The following MCM4 variants were observed in gnomAD, a reference collection of about 807,000 sequenced individuals.
MCM4 encodes DNA replication licensing factor MCM4.
In MCM4, 60 loss-of-function variants were observed where a neutral mutation model predicts 88.7. The observed-to-expected ratio is 0.68, with a 90% CI of 0.55 to 0.84. The LOEUF is 0.84. Ranked by LOEUF, MCM4 falls within the 40% of genes least tolerant of loss-of-function variation. The probability of loss-of-function intolerance (pLI) is 0.00; values close to 1 mark genes in which losing one functional copy is unlikely to be tolerated. For missense variants in MCM4, 1,149 were observed against 1,105.5 expected, an observed-to-expected ratio of 1.04 and a Z score of -0.56; for synonymous variants, 465 against 410.5, an observed-to-expected ratio of 1.13 and a Z score of -1.61.
intron 13 of MCM4, among the ~76,000 whole-genome samples, chr8:47,971,711 A>G (rs2090954943): frequency 6.6e-6 from 1 of 152,190 alleles, no homozygotes. Flanking sequence ...TCTTAGTCCT[A>G]AAGCCACTGC....
intron 8 of MCM4, among the ~76,000 whole-genome samples, chr8:47,965,591 A>G (rs147581897): frequency 9.3e-4 from 141 of 152,344 alleles, no homozygotes; most frequent in African/African-American, 3.3e-3. Flanking sequence ...AGGGGAAATT[A>G]GTTGCGGGCA....
chr8:47,963,360 G>A (rs192635724), intron 7 of MCM4, among the ~76,000 whole-genome samples: 7 of 152,164 alleles, frequency 4.6e-5, no homozygotes, highest in East Asian at 1.9e-4. Context: ...AGTCTGAAGC[G>A]ATAGAATCAC....
chr8:47,962,728 G>A, intron 5 of MCM4, 36 bp from the exon 6 acceptor site: 1 of 1,256,706 alleles, frequency 8.0e-7, no homozygotes, highest in Admixed American at 2.1e-5. Context: ...GTTCCCAAAT[G>A]CTATATGCCT....
chr8:47,964,906 A>G (rs1045112318), intron 8 of MCM4, among the ~76,000 whole-genome samples, 194 bp downstream of exon 8: 17 of 152,322 alleles, frequency 1.1e-4, no homozygotes, highest in South Asian at 4.1e-4. Flanking sequence ...ATTTAATTGA[A>G]GTTTCTGATA....
chr8:47,962,521 C>A, intron 5 of MCM4, 115 bp downstream of exon 5: 1 of 1,052,150 alleles, frequency 9.5e-7, no homozygotes, highest in Non-Finnish European at 1.4e-6. Context: ...TGGTGGCTCA[C>A]ACCTATAATC....
Position 47,970,763 on chromosome 8 carries a change from C to T in MCM4, c.1687C>T (p.Leu563Phe), listed in dbSNP as rs1589832315. The T allele has an allele frequency of 6.2e-7, 1 of 1,614,208 alleles. No individual in the cohort carries two copies. The highest frequency in any genetic ancestry group is 8.5e-7 in the Non-Finnish European group (1 of 1,180,050). Reference sequence around the variant, plus strand: ...GCAGCTGGTCCTGCAGACAGGTGCTCTTGTCCTGAGTGACAACGGCATCTG... The same window carrying T: ...GCAGCTGGTCCTGCAGACAGGTGCTTTTGTCCTGAGTGACAACGGCATCTG... ...TRQLVLQTGA[L>F]VLSDNGICCI... Residue 563 changes from leucine to phenylalanine, a missense_variant, in exon 12 of 17, where the codon CTT (leucine) becomes TTT (phenylalanine). Around this residue, in one of 3 missense-constraint regions of MCM4, gnomAD observed 906 missense variants for 843.0 expected, o/e 1.07. Transcript: ENST00000649973.
intron 16 of MCM4, among the ~76,000 whole-genome samples, chr8:47,976,292 CA>C (rs554025887): frequency 0.088 from 10,083 of 115,212 alleles, 387 homozygotes; most frequent in Middle Eastern, 0.16. Flanking sequence ...AACTCCATCT[CA>C]AAAAAAAAAA....
rs2090944170 is a variant in MCM4, at chr8:47,970,597, G to T, written c.1521G>T (p.Leu507Phe). The change falls in exon 12 of 17, where the codon TTG becomes TTT. Residue 507 changes from leucine (L) to phenylalanine (F), a missense_variant. Leu to Phe is a conservative substitution (Grantham distance 22). This residue lies in a region of MCM4 where 906 missense variants were observed against 843.0 expected (regional missense o/e 1.07). Coordinates refer to ENST00000649973, the MANE Select transcript of MCM4 (RefSeq NM_182746.3). ...RGKFRAEINI[L>F]LCGDPGTSKS... ...AATTTCGGGCTGAGATCAACATCTTGCTGTGTGGCGACCCTGGTACCAGCA... is the reference window on the plus strand; with the variant it reads ...AATTTCGGGCTGAGATCAACATCTTTCTGTGTGGCGACCCTGGTACCAGCA... The T allele has an allele frequency of 2.5e-6, 4 of 1,614,198 alleles. No individual in the cohort carries two copies. The highest frequency in any genetic ancestry group is 3.4e-6 in the Non-Finnish European group (4 of 1,180,036).
In MCM4 at chr8:47,970,731, A is replaced by T; in HGVS notation, c.1655A>T (p.Glu552Val). 6.2e-7 allele frequency: 1 copy of T among 1,614,214 alleles called. No homozygotes were observed. Among genetic ancestry groups the T allele is most frequent in the Non-Finnish European group, 8.5e-7 (1 of 1,180,050 alleles). The part of the protein sequence containing the change: ...GLTAYVMKDP[E>V]TRQLVLQTGA... The stretch of plus-strand genomic sequence containing the variant: ...ACTGCGTACGTAATGAAAGACCCTG[A>T]GACAAGGCAGCTGGTCCTGCAGACA... Residue 552 changes from glutamate to valine, a missense_variant, in exon 12 of 17, where the codon GAG (glutamate) becomes GTG (valine). By Grantham distance (121) the Glu-to-Val change is moderately radical. Coordinates refer to ENST00000649973, the MANE Select transcript of MCM4 (RefSeq NM_182746.3).
intron 14 of MCM4, chr8:47,974,277 G>A (rs2090981164): frequency 6.3e-6 from 1 of 158,718 alleles, no homozygotes; most frequent in Admixed American, 6.0e-5. Context: ...TCATCTGTAT[G>A]TGAAATTGAT....
intron 6 of MCM4, 27 bp from the exon 7 acceptor site, chr8:47,962,917 AT>A (rs2090859738): frequency 2.0e-5 from 31 of 1,573,212 alleles, no homozygotes; most frequent in Non-Finnish European, 2.7e-5. Flanking sequence ...AATTAGCAAA[AT>A]ATAACTTGTT....
At chr8:47,968,747 G>A (rs1373723246) in intron 10 of MCM4, among the ~76,000 whole-genome samples, 7 of 152,196 alleles carry the variant, frequency 4.6e-5, no homozygotes, top group Non-Finnish European at 2.9e-5. Context: ...GTGCCATTGC[G>A]TTGAGATAGC....
At chr8:47,971,068 A>G (rs912828691) in intron 12 of MCM4, among the ~76,000 whole-genome samples, 192 bp downstream of exon 12, 2 of 152,216 alleles carry the variant, frequency 1.3e-5, no homozygotes, top group Non-Finnish European at 2.9e-5. Context: ...TTATTGCTGT[A>G]CTAGCCTTGA....
At chr8:47,976,489 G>A (rs575924425) in intron 16 of MCM4, among the ~76,000 whole-genome samples, 197 bp from the exon 17 acceptor site, 4 of 152,098 alleles carry the variant, frequency 2.6e-5, no homozygotes, top group Non-Finnish European at 4.4e-5. Flanking sequence ...TAGTTACAAC[G>A]TGGACTATAC....
rs190498266 is a variant in MCM4 at position 47,968,509 on chromosome 8, G to T, written c.1174+1024G>T. Among the ~76,000 whole-genome samples, 10 of 152,318 alleles carry T rather than the reference G, an allele frequency of 6.6e-5. No individual in the cohort carries two copies. In the East Asian group the frequency reaches 1.3e-3, roughly 21 times the overall value. ...GTGGAGTTAATGTGATGATACATGT[G>T]TGAGAGTGTTTGGGGCCAAGGGGCT... is the stretch of plus-strand genomic sequence containing the variant. On this transcript the variant is annotated intron_variant, in intron 10 of 16. Coordinates refer to ENST00000649973, the MANE Select transcript of MCM4 (RefSeq NM_182746.3).
intron 9 of MCM4, among the ~76,000 whole-genome samples, chr8:47,966,697 A>G (rs956598307): frequency 2.6e-5 from 4 of 152,188 alleles, no homozygotes; most frequent in African/African-American, 9.6e-5. Context: ...TACTTGGTTA[A>G]ATGTCATTCT....
rs764184995 is a variant in MCM4, at chr8:47,962,176, C to T, written c.359C>T (p.Ser120Phe). Residue 120 changes from serine (S) to phenylalanine (F), a missense_variant, in exon 4 of 17, where the codon TCT (serine) becomes TTT (phenylalanine). Around this residue, in one of 3 missense-constraint regions of MCM4, gnomAD observed 906 missense variants for 843.0 expected, o/e 1.07. Coordinates refer to ENST00000649973, the MANE Select transcript of MCM4 (RefSeq NM_182746.3). The stretch of plus-strand genomic sequence containing the variant: ...GTGAGACAGAGGCCTGACCTGGGCT[C>T]TGCACAGAAGGGCCTGCAAGTGGAT... Reference protein sequence around the residue: ...TPVRQRPDLGSAQKGLQVDLQ... With the variant: ...TPVRQRPDLGFAQKGLQVDLQ... 1.3e-5 allele frequency: 21 copies of T among 1,614,062 alleles called. No homozygotes were observed. The highest frequency in any genetic ancestry group is 1.6e-5 in the Non-Finnish European group (19 of 1,180,046).
At chr8:47,976,062 G>T (rs1039632609) in intron 16 of MCM4, among the ~76,000 whole-genome samples, 1 of 152,118 alleles carries the variant, frequency 6.6e-6, no homozygotes, top group Non-Finnish European at 1.5e-5. Context: ...GGACGCTGAG[G>T]TGGGCAGATC....
In MCM4 at chr8:47,966,368, A is replaced by G. The variant is rs1195210197; in HGVS notation, c.1014A>G (p.Ala338=). ...CGRCHTTHSM[A]LIHNRSLFSD... ...GCTGCCACACCACCCACAGCATGGC[A>G]CTCATCCACAACCGCTCCCTCTTCT... Residue 338 remains alanine, a synonymous_variant, in exon 9 of 17, where the codon GCA becomes GCG. Transcript: ENST00000649973. The G allele has an allele frequency of 1.9e-6, 3 of 1,613,568 alleles. No homozygotes were observed. The African/African-American group carries it at 4.0e-5, about 22-fold the overall frequency.
Sources: allele counts gnomAD v4.1 joint callset (sites outside exome capture counted in the v4.1 genomes callset), GRCh38; gene constraint gnomAD v4.1.1; regional missense constraint gnomAD v4.1.1; transcripts MANE v1.5; gene names NCBI Gene and HGNC (gene_info 2026-07-23, HGNC 2026-07-21).